The following EYS variants were observed in gnomAD, a reference collection of about 807,000 sequenced individuals.
EYS encodes protein eyes shut homolog.
EYS carries 250 observed loss-of-function variants against 282.1 expected under a neutral mutation model. The ratio of observed to expected loss-of-function variants is 0.89; its 90% CI spans 0.80 to 0.98. The LOEUF is 0.98. EYS is among the 50% of genes least tolerant of loss of function. EYS has a pLI of 0.00. For missense variants in EYS, 4,016 were observed against 3,709.0 expected, an observed-to-expected ratio of 1.08 and a Z score of -2.15; for synonymous variants, 1,355 against 1,282.9, an observed-to-expected ratio of 1.06 and a Z score of -1.20.
chr6:65,271,256 T>C (rs528607943), intron 12 of EYS, among the ~76,000 whole-genome samples: 1 of 150,398 alleles, frequency 6.6e-6, no homozygotes, highest in African/African-American at 2.4e-5. Flanking sequence ...GTGGCATAAT[T>C]TGAAGTTCTG....
At chr6:65,191,757 G>A (rs542808349) in intron 12 of EYS, among the ~76,000 whole-genome samples, 1 of 151,948 alleles carries the variant, frequency 6.6e-6, no homozygotes, top group South Asian at 2.1e-4. Flanking sequence ...TGACACTGTA[G>A]ATTGATATGC....
chr6:65,532,517 T>C (rs558890650), intron 2 of EYS, among the ~76,000 whole-genome samples: 78 of 152,274 alleles, frequency 5.1e-4, no homozygotes, highest in African/African-American at 1.9e-3. Flanking sequence ...TGATGCATTA[T>C]TAGTTCAAGA....
intron 2 of EYS, among the ~76,000 whole-genome samples, chr6:65,567,640 A>G (rs73449360): frequency 0.086 from 13,043 of 152,106 alleles, 763 homozygotes; most frequent in African/African-American, 0.14. Context: ...CATATTTGCT[A>G]TTAATGAAAG....
intron 26 of EYS, among the ~76,000 whole-genome samples, chr6:64,555,002 G>T (rs895451508): frequency 1.3e-5 from 2 of 151,904 alleles, no homozygotes; most frequent in Admixed American, 6.6e-5. Flanking sequence ...ATATGCTCCA[G>T]CAATCCCTCT....
chr6:65,222,668 CATAT>C (rs1766500375), intron 12 of EYS, among the ~76,000 whole-genome samples: 1 of 152,142 alleles, frequency 6.6e-6, no homozygotes, highest in Non-Finnish European at 1.5e-5. Flanking sequence ...TACAAGGATG[CATAT>C]ATAGTGCTAA....
intron 41 of EYS, among the ~76,000 whole-genome samples, chr6:63,746,581 T>TA (rs1465641737): frequency 1.3e-5 from 2 of 152,236 alleles, no homozygotes; most frequent in African/African-American, 2.4e-5. Flanking sequence ...GGTAGTCTAT[T>TA]AATTGCTGCC....
At chr6:65,064,205 A>G (rs1424345187) in intron 12 of EYS, among the ~76,000 whole-genome samples, 1 of 143,060 alleles carries the variant, frequency 7.0e-6, no homozygotes, top group South Asian at 2.1e-4. Context: ...ACTATATATC[A>G]TATACTATAT....
In EYS at chr6:64,638,079, C is replaced by A. The variant is rs1331166024; in HGVS notation, c.3444-11834G>T. Among the ~76,000 whole-genome samples the A allele has an allele frequency of 7.7e-5, 7 of 90,586 alleles. 2 individuals carry two copies. The East Asian group carries it at 1.2e-3, about 16-fold the overall frequency. The allele number at this position is 90,586 out of a possible 152,430, so 59.4% of individuals were successfully genotyped here. On this transcript the variant is annotated intron_variant, in intron 22 of 42. Coordinates refer to ENST00000503581, the MANE Select transcript of EYS (RefSeq NM_001142800.2). ...GATACACTGAGCATTTCAGAGCAAC[C>A]CACTGTCCTGAACTGACAGTTCAAA...
At chr6:65,597,895 G>A (rs997502672) in intron 2 of EYS, among the ~76,000 whole-genome samples, 1 of 151,978 alleles carries the variant, frequency 6.6e-6, no homozygotes, top group Non-Finnish European at 1.5e-5. Flanking sequence ...GAGCTCAGTA[G>A]TTCGAAACCA....
intron 22 of EYS, among the ~76,000 whole-genome samples, chr6:64,781,486 A>C: frequency 6.6e-6 from 1 of 151,282 alleles, no homozygotes; most frequent in Non-Finnish European, 1.5e-5. Flanking sequence ...CTGAGGCAGG[A>C]GAACGGCGTG....
chr6:65,113,011 T>G (rs1270013469), intron 12 of EYS, among the ~76,000 whole-genome samples: 1 of 152,056 alleles, frequency 6.6e-6, no homozygotes, highest in Non-Finnish European at 1.5e-5. Flanking sequence ...TAGCATGCAG[T>G]ATTAATATAA....
intron 22 of EYS, among the ~76,000 whole-genome samples, chr6:64,776,979 C>T (rs1298420997): frequency 6.6e-6 from 1 of 152,074 alleles, no homozygotes; most frequent in East Asian, 1.9e-4. Context: ...GCTGCGGAGG[C>T]CTCAGGAAAC....
intron 5 of EYS, among the ~76,000 whole-genome samples, chr6:65,425,663 C>T (rs940882444): frequency 2.6e-5 from 4 of 152,050 alleles, no homozygotes; most frequent in Admixed American, 2.6e-4. Context: ...GAAATTTAAA[C>T]AGTGAGCAGA....
Position 64,276,041 on chromosome 6 carries a change from C to T in EYS, c.6191+30929G>A, listed in dbSNP as rs546649277. On this transcript the variant is annotated intron_variant, in intron 30 of 42. Transcript: ENST00000503581. ...GTTATAGCTTCTTATCTCTCTAATACAGCATTGCCCTGAAAATGCCTATAC... is the reference window on the plus strand; with the variant it reads ...GTTATAGCTTCTTATCTCTCTAATATAGCATTGCCCTGAAAATGCCTATAC... 3.3e-5 allele frequency among the ~76,000 whole-genome samples: 5 copies of T among 151,692 alleles called. No homozygotes were observed. The South Asian group carries it at 8.3e-4, about 25-fold the overall frequency.
chr6:64,605,283 A>G (rs1162408694), intron 24 of EYS, among the ~76,000 whole-genome samples: 1 of 151,834 alleles, frequency 6.6e-6, no homozygotes, highest in African/African-American at 2.4e-5. Flanking sequence ...TACACTAACT[A>G]CATTTGTAGA....
chr6:64,444,929 AG>A (rs577259109), intron 26 of EYS, among the ~76,000 whole-genome samples: 137 of 152,280 alleles, frequency 9.0e-4, no homozygotes, highest in South Asian at 4.6e-3. Flanking sequence ...ATGATTTCTG[AG>A]GGCCTCACCA....
chr6:64,373,449 C>G (rs1019340895), intron 29 of EYS, among the ~76,000 whole-genome samples: 8 of 152,162 alleles, frequency 5.3e-5, no homozygotes, highest in Non-Finnish European at 1.2e-4. Context: ...CCCTAAACTG[C>G]TGTCTGTGTG....
At chr6:64,146,359 A>T (rs1774518227) in intron 31 of EYS, among the ~76,000 whole-genome samples, 1 of 152,182 alleles carries the variant, frequency 6.6e-6, no homozygotes, top group South Asian at 2.1e-4. Flanking sequence ...ACTGCACAAG[A>T]ACACGTTAGC....
rs535053372 is a variant in EYS, at chr6:64,049,622, C to T, written c.6725+16716G>A. Among the ~76,000 whole-genome samples the T allele has an allele frequency of 2.6e-5, 4 of 152,214 alleles. No individual in the cohort carries two copies. In the South Asian group the frequency reaches 8.3e-4, roughly 32 times the overall value. ...GGCAGATAGAGGTGGGTGTGTTTTACAGACTTTTGGAAAAGACATCCCTGT... is the reference window on the plus strand; with the variant it reads ...GGCAGATAGAGGTGGGTGTGTTTTATAGACTTTTGGAAAAGACATCCCTGT... On this transcript the variant is annotated intron_variant, in intron 33 of 42. Transcript: ENST00000503581.
Sources: gnomAD v4.1 joint callset for allele counts (sites outside exome capture counted in the v4.1 genomes callset) on GRCh38, gnomAD v4.1.1 for gene constraint, MANE v1.5 for transcripts, NCBI Gene and HGNC (gene_info 2026-07-23, HGNC 2026-07-21) for gene names.